GLMN: variants seen among roughly 807,000 people sequenced by gnomAD.
The protein encoded by GLMN is glomulin, FKBP associated protein.
In GLMN, 75 loss-of-function variants were observed where a neutral mutation model predicts 87.8. That is an observed-to-expected ratio of 0.85 (90% CI 0.71 to 1.04). GLMN has a LOEUF of 1.04. Ranked by LOEUF, GLMN falls within the 50% of genes least tolerant of loss-of-function variation. The pLI, the probability that GLMN is intolerant of heterozygous loss-of-function variation, is 0.00. For missense variants in GLMN, 588 were observed against 658.8 expected (o/e 0.89, Z 1.18); for synonymous variants, 206 against 221.6 (o/e 0.93, Z 0.63).
At chr1:92,349,848 A>G in the GLMN span, among the ~76,000 whole-genome samples, 1 of 152,182 alleles carries the variant, frequency 6.6e-6, no homozygotes, top group Non-Finnish European at 1.5e-5. Flanking sequence ...GGATCTCTTC[A>G]GCCCAGGAGA....
chr1:92,336,155 A>G, the GLMN span, among the ~76,000 whole-genome samples: 1 of 152,132 alleles, frequency 6.6e-6, no homozygotes, highest in Non-Finnish European at 1.5e-5. Context: ...ACAGACTACA[A>G]AGTGGAGTGT....
the GLMN span, among the ~76,000 whole-genome samples, chr1:92,312,254 T>C: frequency 6.6e-6 from 1 of 151,922 alleles, no homozygotes; most frequent in Non-Finnish European, 1.5e-5. Context: ...ACAAAGTATT[T>C]AAAAAATAAA....
At chr1:92,278,116 G>A (rs937880787) in intron 7 of GLMN, among the ~76,000 whole-genome samples, 2 of 152,168 alleles carry the variant, frequency 1.3e-5, no homozygotes, top group Non-Finnish European at 2.9e-5. Context: ...GCAGGGGGCA[G>A]GGCAGGGAAC....
chr1:92,355,601 T>G, the GLMN span, among the ~76,000 whole-genome samples: 1 of 152,124 alleles, frequency 6.6e-6, no homozygotes, highest in Admixed American at 6.6e-5. Context: ...ATGGAAAGAT[T>G]TCAGAGTACT....
chr1:92,345,998 G>T, the GLMN span: 1 of 948,996 alleles, frequency 1.1e-6, no homozygotes. Context: ...CACTGATTTT[G>T]TAAACTGCCT....
chr1:92,290,236 G>A lies in GLMN; in HGVS notation c.356C>T (p.Ser119Phe). 6.2e-7 allele frequency: 1 copy of A among 1,608,054 alleles called. No homozygotes were observed. Among genetic ancestry groups the A allele is most frequent in the Non-Finnish European group, 8.5e-7 (1 of 1,174,702 alleles). Residue 119 changes from serine to phenylalanine, a missense_variant, in exon 5 of 19, where the codon TCC (serine) becomes TTC (phenylalanine). Coordinates refer to ENST00000370360, the MANE Select transcript of GLMN (RefSeq NM_053274.3). ...LIEEPSGKQI[S>F]QSILLLLQPL... ...CTGAAGCAAAAGAAGAATACTTTGGGATATCTGTTTTCCAGAGGGCTCTTC... is the reference window on the plus strand; with the variant it reads ...CTGAAGCAAAAGAAGAATACTTTGGAATATCTGTTTTCCAGAGGGCTCTTC...
intron 7 of GLMN, among the ~76,000 whole-genome samples, chr1:92,274,950 C>T (rs1008914659): frequency 2.0e-5 from 3 of 152,168 alleles, no homozygotes; most frequent in Admixed American, 2.0e-4. Context: ...GAACTATCTG[C>T]ACCCTGTATT....
At chr1:92,269,900 A>G in intron 8 of GLMN, 124 bp from the exon 9 acceptor site, 1 of 673,580 alleles carries the variant, frequency 1.5e-6, no homozygotes, top group Non-Finnish European at 2.7e-6. Context: ...CCTAACCTCT[A>G]GTACCTCAGA....
intron 7 of GLMN, among the ~76,000 whole-genome samples, chr1:92,285,523 T>G (rs1025441929): frequency 6.6e-6 from 1 of 152,086 alleles, no homozygotes; most frequent in Non-Finnish European, 1.5e-5. Flanking sequence ...AAATGATGAG[T>G]TGATGGGTGC....
chr1:92,328,805 T>C, the GLMN span, among the ~76,000 whole-genome samples: 2 of 152,244 alleles, frequency 1.3e-5, no homozygotes, highest in East Asian at 1.9e-4. Flanking sequence ...ACTCAAGGGC[T>C]GCTGTTTAGA....
chr1:92,357,708 T>C, the GLMN span, among the ~76,000 whole-genome samples: 1 of 152,216 alleles, frequency 6.6e-6, no homozygotes, highest in South Asian at 2.1e-4. Flanking sequence ...ATTTTTGTAT[T>C]TTTAATAGAG....
chr1:92,298,898 C>A (rs1488313664), intron 1 of GLMN, 27 bp downstream of exon 1: 4 of 432,368 alleles, frequency 9.3e-6, no homozygotes, highest in African/African-American at 8.2e-5. Flanking sequence ...CCCTGGCCAC[C>A]CTGAACCTCT....
At chr1:92,302,758 C>T (rs1288523794), upstream of GLMN, among the ~76,000 whole-genome samples, 2 of 151,678 alleles carry the variant, frequency 1.3e-5, no homozygotes, top group East Asian at 1.9e-4. Context: ...CACCATTACG[C>T]CCGGCTAATT....
At chr1:92,279,162 A>C (rs1405143906) in intron 7 of GLMN, among the ~76,000 whole-genome samples, 1 of 152,128 alleles carries the variant, frequency 6.6e-6, no homozygotes, top group Non-Finnish European at 1.5e-5. Flanking sequence ...TTGTACATTA[A>C]AATCACCTTG....
At chr1:92,365,539 G>T in the GLMN span, among the ~76,000 whole-genome samples, 1 of 152,192 alleles carries the variant, frequency 6.6e-6, no homozygotes, top group Non-Finnish European at 1.5e-5. Context: ...GTGCACATTG[G>T]TGTGCTAAGT....
chr1:92,308,013 C>T, the GLMN span, among the ~76,000 whole-genome samples: 7,350 of 151,810 alleles, frequency 0.048, 609 homozygotes, highest in African/African-American at 0.17. Context: ...TAAGGTAGGA[C>T]CTATGCTAAA....
chr1:92,365,777 A>G, the GLMN span, among the ~76,000 whole-genome samples: 5 of 152,286 alleles, frequency 3.3e-5, no homozygotes, highest in Middle Eastern at 6.8e-3. Context: ...GGGTCTTTGA[A>G]AATTGTAAGA....
the GLMN span, among the ~76,000 whole-genome samples, chr1:92,326,900 G>A: frequency 6.6e-6 from 1 of 152,194 alleles, no homozygotes; most frequent in Non-Finnish European, 1.5e-5. Flanking sequence ...GAACAAGTAG[G>A]GCTTTCACAT....
chr1:92,331,079 T>C, the GLMN span, among the ~76,000 whole-genome samples: 2 of 152,228 alleles, frequency 1.3e-5, no homozygotes, highest in African/African-American at 4.8e-5. Flanking sequence ...ACCTTAATTG[T>C]GGATTGATTA....
Sources: allele counts gnomAD v4.1 joint callset (sites outside exome capture counted in the v4.1 genomes callset), GRCh38; gene constraint gnomAD v4.1.1; transcripts MANE v1.5; gene names NCBI Gene and HGNC (gene_info 2026-07-23, HGNC 2026-07-21).